The following ZNF626 variants were observed in gnomAD, a reference collection of about 807,000 sequenced individuals.
ZNF626 encodes zinc finger protein 626, also known as CTC-513N18.7.
Under a neutral mutation model 11.7 loss-of-function variants are expected in ZNF626, and 4 were observed. The observed-to-expected ratio is 0.34, with a 90% CI of 0.17 to 0.78. The LOEUF is 0.78. Among genes scored for constraint, ZNF626 ranks in the 30% least tolerant of loss-of-function variants. The probability of loss-of-function intolerance (pLI) is 0.57; values close to 1 mark genes in which losing one functional copy is unlikely to be tolerated. For synonymous variants in ZNF626, 179 were observed against 198.6 expected, an observed-to-expected ratio of 0.90 and a Z score of 0.83; for missense variants, 588 against 587.1, an observed-to-expected ratio of 1.00 and a Z score of -0.01.
At chr19:20,633,909 G>A (rs1969937805) in intron 3 of ZNF626, among the ~76,000 whole-genome samples, 1 of 152,174 alleles carries the variant, frequency 6.6e-6, no homozygotes, top group African/African-American at 2.4e-5. Flanking sequence ...GACCAGAGCT[G>A]TTCCTATTCG....
chr19:20,628,016 G>A (rs1969859972), intron 3 of ZNF626, among the ~76,000 whole-genome samples: 1 of 152,134 alleles, frequency 6.6e-6, no homozygotes, highest in Admixed American at 6.5e-5. Context: ...ACCTATTAGT[G>A]AGAACATGCG....
chr19:20,661,394 G>A (rs1022123310), intron 1 of ZNF626, 50 bp downstream of exon 1: 19 of 1,612,996 alleles, frequency 1.2e-5, no homozygotes, highest in Non-Finnish European at 1.6e-5. Flanking sequence ...CTTTTCACCG[G>A]TTCCAACCAG....
At chr19:20,646,938 C>G (rs1555771977) in intron 1 of ZNF626, among the ~76,000 whole-genome samples, 1 of 152,120 alleles carries the variant, frequency 6.6e-6, no homozygotes, top group African/African-American at 2.4e-5. Flanking sequence ...ACCTCCGCCT[C>G]CCGGGTTCAA....
chr19:20,656,999 T>A (rs1330801219), intron 1 of ZNF626, among the ~76,000 whole-genome samples: 2 of 152,234 alleles, frequency 1.3e-5, no homozygotes, highest in African/African-American at 4.8e-5. Flanking sequence ...TTCACATGCA[T>A]GTTCATTGCA....
rs375676469 is a variant in ZNF626 at position 20,625,406 on chromosome 19, A to G, written c.471T>C (p.Phe157=). The stretch of plus-strand genomic sequence containing the variant: ...CTCTCTTTTGTCCGTTTGAATTTGG[A>G]AATTGATGAAGGACTTTCACATATT... ...CDKYVKVLHQ[F]PNSNGQKRGH... is the part of the protein sequence containing the mutation. Residue 157 remains phenylalanine, a synonymous_variant, in exon 4 of 4, where the codon TTT becomes TTC. Coordinates refer to ENST00000601440, the MANE Select transcript of ZNF626 (RefSeq NM_001076675.3). The G allele has an allele frequency of 1.9e-6, 3 of 1,613,964 alleles. No individual in the cohort carries two copies.
At chr19:20,661,338 AG>A (rs1970265500) in intron 1 of ZNF626, 105 bp downstream of exon 1, 8 of 1,438,622 alleles carry the variant, frequency 5.6e-6, no homozygotes, top group Non-Finnish European at 9.8e-7. Context: ...CTGGGGGAGC[AG>A]ACTGTGGAGC....
intron 3 of ZNF626, among the ~76,000 whole-genome samples, chr19:20,634,844 T>C (rs1178119719): frequency 6.6e-6 from 1 of 150,884 alleles, no homozygotes; most frequent in East Asian, 2.0e-4. Flanking sequence ...CATTACAATT[T>C]CTGATTTCTA....
At chr19:20,659,523 G>A (rs538439456) in intron 1 of ZNF626, among the ~76,000 whole-genome samples, 1 of 152,098 alleles carries the variant, frequency 6.6e-6, no homozygotes, top group African/African-American at 2.4e-5. Flanking sequence ...TTACATGCCT[G>A]AGCCATGGCG....
intron 1 of ZNF626, among the ~76,000 whole-genome samples, chr19:20,660,426 CTTTT>C (rs1305012109): frequency 2.0e-5 from 3 of 151,182 alleles, no homozygotes; most frequent in Non-Finnish European, 4.4e-5. Context: ...AAGATGCTTA[CTTTT>C]TTTTTCTTTT....
At chr19:20,649,026 G>A (rs1970116830) in intron 1 of ZNF626, among the ~76,000 whole-genome samples, 1 of 152,176 alleles carries the variant, frequency 6.6e-6, no homozygotes, top group Non-Finnish European at 1.5e-5. Context: ...GACAAGTAAA[G>A]GTTTGTGAGT....
At chr19:20,658,283 T>C (rs1045683592) in intron 1 of ZNF626, among the ~76,000 whole-genome samples, 4 of 151,880 alleles carry the variant, frequency 2.6e-5, no homozygotes, top group Admixed American at 2.0e-4. Flanking sequence ...AAAAAACAGG[T>C]TGGTGCGGCA....
chr19:20,647,245 T>A (rs1412672134), intron 1 of ZNF626, among the ~76,000 whole-genome samples: 2 of 152,090 alleles, frequency 1.3e-5, no homozygotes, highest in Non-Finnish European at 2.9e-5. Flanking sequence ...CCTGTGTTTT[T>A]CCCACTTTTT....
chr19:20,638,898 T>C (rs970332675), intron 3 of ZNF626, among the ~76,000 whole-genome samples: 1 of 152,058 alleles, frequency 6.6e-6, no homozygotes. Flanking sequence ...ACAGGAAACT[T>C]AGAAAACATT....
intron 1 of ZNF626, among the ~76,000 whole-genome samples, chr19:20,660,597 G>A (rs1229823977): frequency 2.6e-5 from 4 of 152,016 alleles, no homozygotes; most frequent in African/African-American, 9.7e-5. Context: ...GATAGTTTTC[G>A]TATTTTTAGT....
At position 20,661,551 on chromosome 19, in the gene ZNF626, G is replaced by T. The variant is rs1259792935; in HGVS notation, c.-105C>A. 2 of 1,301,006 alleles carry T rather than the reference G, an allele frequency of 1.5e-6. No individual in the cohort carries two copies. The highest frequency in any genetic ancestry group is 2.7e-5 in the South Asian group (2 of 75,280). 80.6% of individuals were successfully genotyped at this position (1,301,006 alleles called of 1,614,324 possible). On this transcript the variant is annotated 5_prime_UTR_variant, in exon 1 of 4. Transcript: ENST00000601440. ...CTTTAGGAGAAGAACCAGACCTGGA[G>T]CTCTGACTGCAGCGAGAGACAAAGG... is the stretch of plus-strand genomic sequence containing the variant.
At chr19:20,637,325 A>G (rs1969977367) in intron 3 of ZNF626, among the ~76,000 whole-genome samples, 1 of 151,942 alleles carries the variant, frequency 6.6e-6, no homozygotes, top group Non-Finnish European at 1.5e-5. Flanking sequence ...TCTCTACTAA[A>G]AATACAAAAA....
At chr19:20,634,353 C>T (rs1969943257) in intron 3 of ZNF626, among the ~76,000 whole-genome samples, 1 of 152,204 alleles carries the variant, frequency 6.6e-6, no homozygotes, top group Non-Finnish European at 1.5e-5. Context: ...TCAGGATACA[C>T]AGCCTTCTCA....
intron 3 of ZNF626, among the ~76,000 whole-genome samples, chr19:20,637,322 T>C (rs1175623396): frequency 2.0e-5 from 3 of 151,582 alleles, no homozygotes; most frequent in African/African-American, 7.3e-5. Flanking sequence ...CTGTCTCTAC[T>C]AAAAATACAA....
intron 1 of ZNF626, among the ~76,000 whole-genome samples, chr19:20,658,678 A>G (rs1970231638): frequency 6.6e-6 from 1 of 152,080 alleles, no homozygotes; most frequent in African/African-American, 2.4e-5. Context: ...TCTGGCACCA[A>G]ATCTATAGAG....
Sources: allele counts gnomAD v4.1 joint callset (sites outside exome capture counted in the v4.1 genomes callset), GRCh38; gene constraint gnomAD v4.1.1; transcripts MANE v1.5; gene names NCBI Gene and HGNC (gene_info 2026-07-23, HGNC 2026-07-21).